The following FMN2 variants were observed in gnomAD, a reference collection of about 807,000 sequenced individuals.
FMN2 encodes the protein formin 2.
In FMN2, 51 loss-of-function variants were observed where a neutral mutation model predicts 142.3. The observed-to-expected ratio is 0.36, with a 90% CI of 0.29 to 0.45. The LOEUF is 0.45. Among genes scored for constraint, FMN2 ranks in the 20% least tolerant of loss-of-function variants. The probability of loss-of-function intolerance (pLI) is 1.00; values close to 1 mark genes in which losing one functional copy is unlikely to be tolerated. For synonymous variants in FMN2, 882 were observed against 869.8 expected (o/e 1.01, Z -0.25); for missense variants, 1,936 against 2,122.8 (o/e 0.91, Z 1.73).
intron 13 of FMN2, among the ~76,000 whole-genome samples, chr1:240,337,726 C>CTATTTTTAT (rs1671611751): frequency 6.6e-6 from 1 of 152,152 alleles, no homozygotes; most frequent in Non-Finnish European, 1.5e-5. Flanking sequence ...ACTTCTGTTT[C>CTATTTTTAT]TGCTTAGAGA....
At chr1:240,442,071 A>G (rs751301869) in intron 16 of FMN2, among the ~76,000 whole-genome samples, 10 of 152,132 alleles carry the variant, frequency 6.6e-5, no homozygotes, top group Non-Finnish European at 1.5e-4. Context: ...AGTCAGCCAC[A>G]TGTGTCTGTA....
At chr1:240,396,444 T>G (rs562031330) in intron 15 of FMN2, among the ~76,000 whole-genome samples, 1 of 121,026 alleles carries the variant, frequency 8.3e-6, no homozygotes, top group Non-Finnish European at 1.8e-5. Flanking sequence ...TGTTGCAATC[T>G]TTTTTTTTTT....
At chr1:240,299,692 G>A (rs1398281137) in intron 8 of FMN2, among the ~76,000 whole-genome samples, 1 of 152,074 alleles carries the variant, frequency 6.6e-6, no homozygotes, top group Non-Finnish European at 1.5e-5. Flanking sequence ...AATTGCTAAG[G>A]AAGCTCTTTC....
chr1:240,228,400 G>C (rs1236691334), intron 6 of FMN2, among the ~76,000 whole-genome samples: 1 of 144,214 alleles, frequency 6.9e-6, no homozygotes, highest in Non-Finnish European at 1.5e-5. Flanking sequence ...CTCCAGAAAA[G>C]TATACCACTC....
In FMN2 at chr1:240,394,362, T is replaced by G. The variant is rs548231514; in HGVS notation, c.4910+1800T>G. ...GTTTCAATTCCCTTAAACCAAAGCC[T>G]AATCCAGAGCAGGGCCCTAACTCTA... On this transcript the variant is annotated intron_variant, in intron 15 of 17. Coordinates refer to ENST00000319653, the MANE Select transcript of FMN2 (RefSeq NM_020066.5). Among the ~76,000 whole-genome samples, 4 of 152,288 alleles carry G rather than the reference T, an allele frequency of 2.6e-5. No individual in the cohort carries two copies. In the East Asian group the frequency reaches 5.8e-4, roughly 22 times the overall value.
intron 13 of FMN2, among the ~76,000 whole-genome samples, chr1:240,351,830 TTC>T (rs1672106402): frequency 6.6e-6 from 1 of 152,148 alleles, no homozygotes. Flanking sequence ...TGTTAGCGTG[TTC>T]ATACAGGATC....
intron 15 of FMN2, among the ~76,000 whole-genome samples, chr1:240,399,747 C>T (rs556112712): frequency 1.2e-3 from 183 of 152,214 alleles, no homozygotes; most frequent in Admixed American, 2.0e-3. Flanking sequence ...TGTAGCCAAC[C>T]GAGAATGCTG....
intron 14 of FMN2, among the ~76,000 whole-genome samples, chr1:240,370,224 C>T (rs1672818084): frequency 6.6e-6 from 1 of 152,048 alleles, no homozygotes; most frequent in South Asian, 2.1e-4. Flanking sequence ...TCCAACTCAG[C>T]CATGCATTCA....
chr1:240,358,725 C>G (rs10926227), intron 14 of FMN2, among the ~76,000 whole-genome samples: 43,259 of 151,994 alleles, frequency 0.28, 7,614 homozygotes, highest in African/African-American at 0.49. Context: ...GGAGAAATGG[C>G]CCCCATGATT....
chr1:240,250,748 CT>C (rs1668248217), intron 6 of FMN2, among the ~76,000 whole-genome samples: 1 of 151,902 alleles, frequency 6.6e-6, no homozygotes, highest in African/African-American at 2.4e-5. Context: ...CTTTTTATTA[CT>C]GATTCAATCT....
At chr1:240,260,984 C>T (rs939174285) in intron 7 of FMN2, among the ~76,000 whole-genome samples, 8 of 152,156 alleles carry the variant, frequency 5.3e-5, no homozygotes, top group Admixed American at 6.5e-5. Context: ...TGCCAATTAT[C>T]CCAGCAGCAT....
At position 240,452,615 on chromosome 1, in the gene FMN2, C is replaced by T. The variant is rs980012515; in HGVS notation, c.5060+14405C>T. On this transcript the variant is annotated intron_variant, in intron 16 of 17. Coordinates refer to ENST00000319653, the MANE Select transcript of FMN2 (RefSeq NM_020066.5). Reference sequence around the variant, plus strand: ...GGAAAGTGATAAAATTCCATTTGGCCACTTTAAATTTTTCCAGGTGTTCAG... The same window carrying T: ...GGAAAGTGATAAAATTCCATTTGGCTACTTTAAATTTTTCCAGGTGTTCAG... 2.0e-5 allele frequency among the ~76,000 whole-genome samples: 3 copies of T among 151,942 alleles called. 1 individual carries two copies. The highest frequency in any genetic ancestry group is 1.3e-4 in the Admixed American group (2 of 15,246).
chr1:240,143,846 C>G (rs1663303466), intron 2 of FMN2: 2 of 1,581,802 alleles, frequency 1.3e-6, no homozygotes, highest in African/African-American at 1.3e-5. Context: ...CACCTCCATG[C>G]TGGACTTTGA....
At chr1:240,209,676 G>T (rs370099700) in intron 5 of FMN2, among the ~76,000 whole-genome samples, 5 of 150,380 alleles carry the variant, frequency 3.3e-5, no homozygotes, top group South Asian at 2.1e-4. Flanking sequence ...AGGCCGAGGC[G>T]GGTGGATCAC....
chr1:240,412,221 C>T (rs1344418663), intron 15 of FMN2, among the ~76,000 whole-genome samples: 4 of 152,054 alleles, frequency 2.6e-5, no homozygotes, highest in African/African-American at 9.7e-5. Context: ...CAATGTATGC[C>T]TAAAGACAAA....
At chr1:240,329,188 C>A (rs762854774) in intron 9 of FMN2, 21 bp downstream of exon 9, 6 of 1,613,020 alleles carry the variant, frequency 3.7e-6, no homozygotes. Context: ...CTTATAACCA[C>A]GTAGAGGGCG....
chr1:240,131,377 G>T (rs554669522), intron 2 of FMN2, among the ~76,000 whole-genome samples: 1 of 152,034 alleles, frequency 6.6e-6, no homozygotes, highest in Non-Finnish European at 1.5e-5. Context: ...AAGACCTGAG[G>T]CATGCGTAGG....
chr1:240,171,190 A>G (rs1055561400), intron 2 of FMN2: 2 of 816,760 alleles, frequency 2.4e-6, no homozygotes, highest in Non-Finnish European at 4.4e-6. Context: ...TAAAAAGATA[A>G]AAGTTGATGA....
At chr1:240,199,146 T>G (rs1053524651) in intron 4 of FMN2, among the ~76,000 whole-genome samples, 1 of 152,162 alleles carries the variant, frequency 6.6e-6, no homozygotes, top group African/African-American at 2.4e-5. Context: ...AATAGAGAAT[T>G]TATATGCTTC....
Sources: gnomAD v4.1 joint callset for allele counts (sites outside exome capture counted in the v4.1 genomes callset) on GRCh38, gnomAD v4.1.1 for gene constraint, MANE v1.5 for transcripts, NCBI Gene and HGNC (gene_info 2026-07-23, HGNC 2026-07-21) for gene names.